MGAT4C: variants seen among roughly 807,000 people sequenced by gnomAD.
MGAT4C encodes MGAT4 family member C.
In MGAT4C, 19 loss-of-function variants were observed where a neutral mutation model predicts 40.1. The observed-to-expected ratio is 0.47, with a 90% CI of 0.33 to 0.70. The LOEUF (loss-of-function observed/expected upper bound fraction) is 0.70. MGAT4C is among the 30% of genes least tolerant of loss of function. The pLI, the probability that MGAT4C is intolerant of heterozygous loss-of-function variation, is 0.02. For synonymous variants in MGAT4C, 181 were observed against 187.1 expected (o/e 0.97, Z 0.27); for missense variants, 491 against 563.2 (o/e 0.87, Z 1.30).
chr12:86,782,538 C>T (rs1951864717), intron 1 of MGAT4C, among the ~76,000 whole-genome samples: 1 of 152,016 alleles, frequency 6.6e-6, no homozygotes, highest in Non-Finnish European at 1.5e-5. Context: ...ATATAAATAT[C>T]TCACGAATGT....
chr12:86,047,873 A>T (rs1892545576), intron 2 of MGAT4C, among the ~76,000 whole-genome samples: 1 of 152,106 alleles, frequency 6.6e-6, no homozygotes, highest in South Asian at 2.1e-4. Context: ...TTAAGAGTAG[A>T]ACTTCAAGTC....
At chr12:86,239,590 T>C (rs1479111073) in intron 1 of MGAT4C, among the ~76,000 whole-genome samples, 1 of 152,070 alleles carries the variant, frequency 6.6e-6, no homozygotes, top group Non-Finnish European at 1.5e-5. Context: ...TGGAGCATTC[T>C]TATGTGGAAA....
At chr12:86,200,602 T>C (rs548218020) in intron 1 of MGAT4C, among the ~76,000 whole-genome samples, 17 of 152,288 alleles carry the variant, frequency 1.1e-4, no homozygotes, top group African/African-American at 3.1e-4. Context: ...GTTTCCTTGA[T>C]GACTGATCAA....
rs1878009650 is a variant in MGAT4C, at chr12:86,114,367, A to G, written c.-56-64644T>C. On this transcript the variant is annotated intron_variant, in intron 1 of 4. Coordinates refer to ENST00000611864, the MANE Select transcript of MGAT4C (RefSeq NM_001351288.2). The stretch of plus-strand genomic sequence containing the variant: ...TGAGTAGAGGGACTATGTTCTCCAG[A>G]GCATGGCAAACAATCTGTGTTAACT... Among the ~76,000 whole-genome samples the G allele has an allele frequency of 3.9e-5, 6 of 151,910 alleles. No individual in the cohort carries two copies. The South Asian group carries it at 1.2e-3, about 31-fold the overall frequency.
chr12:86,727,686 T>A (rs548969564), intron 1 of MGAT4C, among the ~76,000 whole-genome samples: 1 of 152,132 alleles, frequency 6.6e-6, no homozygotes, highest in African/African-American at 2.4e-5. Flanking sequence ...TATTAAAGCA[T>A]GTTATTGAAA....
rs138382966 is a variant in MGAT4C at position 86,372,651 on chromosome 12, A to G, written c.-119-38524T>C. Among the ~76,000 whole-genome samples the G allele has an allele frequency of 6.4e-3, 972 of 152,034 alleles. 10 individuals are homozygous for G. Among genetic ancestry groups the G allele is most frequent in the African/African-American group, 0.022 (928 of 41,552 alleles). On this transcript the variant is annotated intron_variant, in intron 3 of 7. Transcript: ENST00000548651. ...TTCCTTATGGTAGTGGCAATCTAAA[A>G]ACAAAGGAACTAGACAATGTAATGT...
intron 1 of MGAT4C, among the ~76,000 whole-genome samples, chr12:86,828,296 A>G (rs1241924363): frequency 6.6e-6 from 1 of 151,020 alleles, no homozygotes; most frequent in Non-Finnish European, 1.5e-5. Flanking sequence ...ACTATATTAT[A>G]TGTTTATCAT....
chr12:86,395,200 G>C (rs1956237983), intron 3 of MGAT4C, among the ~76,000 whole-genome samples: 2 of 152,088 alleles, frequency 1.3e-5, no homozygotes, highest in African/African-American at 2.4e-5. Flanking sequence ...AAAAATTTGA[G>C]ATCTCAGATC....
chr12:86,823,524 G>T (rs915301148), intron 1 of MGAT4C, among the ~76,000 whole-genome samples: 5 of 150,986 alleles, frequency 3.3e-5, no homozygotes, highest in Non-Finnish European at 5.9e-5. Context: ...CCATCTCTAG[G>T]AACACATAAG....
At chr12:86,072,365 C>A (rs1428475146) in intron 1 of MGAT4C, among the ~76,000 whole-genome samples, 1 of 151,350 alleles carries the variant, frequency 6.6e-6, no homozygotes, top group Non-Finnish European at 1.5e-5. Flanking sequence ...CTTTAAAATT[C>A]CAGGTCAAAC....
intron 1 of MGAT4C, among the ~76,000 whole-genome samples, chr12:86,822,033 T>C (rs1952714883): frequency 6.6e-6 from 1 of 151,040 alleles, no homozygotes; most frequent in African/African-American, 2.4e-5. Context: ...TAGGTATAAA[T>C]TATGACAACA....
intron 2 of MGAT4C, among the ~76,000 whole-genome samples, chr12:86,481,289 C>A (rs1209576381): frequency 1.3e-5 from 2 of 151,992 alleles, no homozygotes; most frequent in Admixed American, 6.6e-5. Context: ...GTCTTCTAGA[C>A]TTAACACCAA....
chr12:86,411,029 G>A (rs1362579592), intron 3 of MGAT4C, among the ~76,000 whole-genome samples: 2 of 36,682 alleles, frequency 5.5e-5, no homozygotes, highest in Non-Finnish European at 5.3e-5. Context: ...GGCTTCCCCA[G>A]CCATGCTTCT....
intron 2 of MGAT4C, among the ~76,000 whole-genome samples, chr12:86,484,496 T>C (rs1957985226): frequency 1.3e-5 from 2 of 152,156 alleles, no homozygotes; most frequent in African/African-American, 2.4e-5. Context: ...ACTTTCCCAG[T>C]AGGCTGAGAG....
intron 1 of MGAT4C, among the ~76,000 whole-genome samples, chr12:86,075,654 T>A (rs554374703): frequency 5.9e-5 from 9 of 152,318 alleles, no homozygotes; most frequent in Non-Finnish European, 8.8e-5. Flanking sequence ...TCCAGGTGTT[T>A]CCATATGTCT....
intron 2 of MGAT4C, chr12:86,002,518 C>G (rs185779697): frequency 6.6e-6 from 1 of 151,990 alleles, no homozygotes. Context: ...ACTGTGTTGT[C>G]TAACTCCTGG....
At chr12:86,171,137 C>CGAAGT (rs71076163) in intron 1 of MGAT4C, among the ~76,000 whole-genome samples, 37,943 of 151,652 alleles carry the variant, frequency 0.25, 5,826 homozygotes, top group Admixed American at 0.37. Context: ...TTTGGGAGGC[C>CGAAGT]GAAGTGGGTG....
intron 2 of MGAT4C, among the ~76,000 whole-genome samples, chr12:86,506,714 G>T (rs550522622): frequency 5.9e-5 from 9 of 152,262 alleles, no homozygotes; most frequent in Admixed American, 2.0e-4. Context: ...ATCAAGAAAT[G>T]CAGAATTAGT....
At chr12:86,131,383 C>T (rs1450555493) in intron 1 of MGAT4C, among the ~76,000 whole-genome samples, 1 of 151,990 alleles carries the variant, frequency 6.6e-6, no homozygotes, top group Non-Finnish European at 1.5e-5. Flanking sequence ...TTTTCTATTG[C>T]TCTCAAAATT....
Sources: gnomAD v4.1 joint callset for allele counts (sites outside exome capture counted in the v4.1 genomes callset) on GRCh38, gnomAD v4.1.1 for gene constraint, MANE v1.5 for transcripts, NCBI Gene and HGNC (gene_info 2026-07-23, HGNC 2026-07-21) for gene names.